Variants in NLRC5 observed in about 807,000 individuals in gnomAD.
The protein encoded by NLRC5 is protein NLRC5.
Under a neutral mutation model 206.9 loss-of-function variants are expected in NLRC5, and 114 were observed. The ratio of observed to expected loss-of-function variants is 0.55; its 90% CI spans 0.47 to 0.64. The LOEUF (loss-of-function observed/expected upper bound fraction) is 0.64, where lower values mean the gene tolerates loss of function less well. Ranked by LOEUF, NLRC5 falls within the 30% of genes least tolerant of loss-of-function variation. NLRC5 has a pLI of 0.00. For missense variants in NLRC5, 2,008 were observed against 2,305.5 expected (o/e 0.87, Z 2.64); for synonymous variants, 952 against 962.8 (o/e 0.99, Z 0.21).
At chr16:57,013,970 C>A in intron 1 of NLRC5, 1 of 423,624 alleles carries the variant, frequency 2.4e-6, no homozygotes, top group South Asian at 2.1e-5. Flanking sequence ...TACTAAATCC[C>A]TTAAGGGAAG....
chr16:57,067,879 T>C (rs754152661), intron 36 of NLRC5, 51 bp downstream of exon 36: 18 of 1,387,506 alleles, frequency 1.3e-5, no homozygotes, highest in Admixed American at 1.2e-4. Flanking sequence ...TGCCCTGCCC[T>C]GACACCTCCC....
At chr16:56,997,346 A>G (rs1331483527) in intron 1 of NLRC5, among the ~76,000 whole-genome samples, 31 of 152,156 alleles carry the variant, frequency 2.0e-4, no homozygotes, top group Admixed American at 2.0e-3. Flanking sequence ...ATAACAGCCA[A>G]TGAGCATTGG....
rs558732587 is a variant in NLRC5, at chr16:57,078,378, G to A, written c.5081+358G>A. On this transcript the variant is annotated intron_variant, in intron 43 of 48. Coordinates refer to ENST00000688547, the MANE Select transcript of NLRC5 (RefSeq NM_001384950.1). The stretch of plus-strand genomic sequence containing the variant: ...CTGGCAGAGGGCTTCGCAGGAGCAC[G>A]GTGCCAATCAACGTGGCCTCAGCAC... 3.3e-5 allele frequency among the ~76,000 whole-genome samples: 5 copies of A among 152,140 alleles called. No homozygotes were observed. The East Asian group carries it at 5.8e-4, about 18-fold the overall frequency.
rs557301873 is a variant in NLRC5, at chr16:57,082,335, T to G, written c.5490-82T>G. On this transcript the variant is annotated intron_variant, in intron 48 of 48. Transcript: ENST00000688547. The stretch of plus-strand genomic sequence containing the variant: ...AACTCTAGGCACAGCTCTACCTTTT[T>G]GGGCCTCAGCCTCCCAATCTGCAGA... 36 of 1,100,246 alleles carry G rather than the reference T, an allele frequency of 3.3e-5. No homozygotes were observed. The South Asian group carries it at 3.5e-4, about 11-fold the overall frequency. 68.2% of individuals were successfully genotyped at this position (1,100,246 alleles called of 1,614,324 possible).
At chr16:57,020,100 T>C (rs1459228719) in intron 2 of NLRC5, among the ~76,000 whole-genome samples, 2 of 151,992 alleles carry the variant, frequency 1.3e-5, no homozygotes, top group Non-Finnish European at 2.9e-5. Context: ...GCCTATTTTA[T>C]GTCGCTCAAA....
Position 57,025,526 on chromosome 16 carries a change from A to C in NLRC5, c.583A>C (p.Ile195Leu). 6.2e-7 allele frequency: 1 copy of C among 1,613,482 alleles called. No individual in the cohort carries two copies. Among genetic ancestry groups the C allele is most frequent in the East Asian group, 2.2e-5 (1 of 44,832 alleles). The change falls in exon 6 of 49, where the codon ATT (isoleucine) becomes CTT (leucine). Residue 195 changes from isoleucine (I) to leucine (L), a missense_variant. By Grantham distance (5) the Ile-to-Leu change is conservative. Transcript: ENST00000688547. The stretch of plus-strand genomic sequence containing the variant: ...ATCCTTAGACACTCCGGAGGGGGCC[A>C]TTATGGGGGACGTCAAGGTGGAAGA... The part of the protein sequence containing the change: ...TASLDTPEGA[I>L]MGDVKVEDGA...
At chr16:57,038,194 GA>G (rs767271621) in intron 15 of NLRC5, among the ~76,000 whole-genome samples, 10 of 151,188 alleles carry the variant, frequency 6.6e-5, no homozygotes, top group African/African-American at 2.4e-4. Context: ...TGGAACCATA[GA>G]AAAAAAAATG....
At chr16:57,006,124 G>T (rs547563889) in intron 1 of NLRC5, among the ~76,000 whole-genome samples, 5 of 151,208 alleles carry the variant, frequency 3.3e-5, no homozygotes, top group Admixed American at 3.3e-4. Context: ...TCAACCTTGC[G>T]GGTAGCTTGG....
At chr16:57,029,206 A>G (rs2061542643) in intron 8 of NLRC5, among the ~76,000 whole-genome samples, 1 of 152,158 alleles carries the variant, frequency 6.6e-6, no homozygotes, top group South Asian at 2.1e-4. Flanking sequence ...ATTGAAAGTG[A>G]CTTTAATTTT....
At chr16:57,081,415 T>A in intron 47 of NLRC5, 112 bp from the exon 48 acceptor site, 4 of 1,034,404 alleles carry the variant, frequency 3.9e-6, no homozygotes, top group Non-Finnish European at 5.9e-6. Flanking sequence ...GAGAAGGTAG[T>A]GTGGGAGACT....
intron 40 of NLRC5, 42 bp downstream of exon 40, chr16:57,076,944 C>A: frequency 6.3e-7 from 1 of 1,581,224 alleles, no homozygotes; most frequent in Non-Finnish European, 8.7e-7. Context: ...ACAATTTTGG[C>A]CGGGAAAGAT....
intron 32 of NLRC5, among the ~76,000 whole-genome samples, chr16:57,063,885 C>T (rs2066814546): frequency 1.3e-5 from 2 of 151,810 alleles, no homozygotes; most frequent in Admixed American, 6.6e-5. Flanking sequence ...ACTACAGGTG[C>T]CCGCCACCAC....
At chr16:57,067,643 C>A in intron 35 of NLRC5, 93 bp from the exon 36 acceptor site, 2 of 1,400,832 alleles carry the variant, frequency 1.4e-6, no homozygotes, top group East Asian at 2.3e-5. Flanking sequence ...CTTGGGTGGC[C>A]CCTTCTCCTC....
intron 2 of NLRC5, among the ~76,000 whole-genome samples, chr16:57,017,718 A>G (rs757065932): frequency 6.6e-6 from 1 of 152,276 alleles, no homozygotes; most frequent in Non-Finnish European, 1.5e-5. Flanking sequence ...TAAAACAACT[A>G]CAGGCATGAC....
At chr16:57,020,649 G>T in intron 2 of NLRC5, 52 bp from the exon 3 acceptor site, 2 of 1,302,188 alleles carry the variant, frequency 1.5e-6, no homozygotes. Context: ...CAGCTCATCT[G>T]CCCCCAGTTT....
chr16:57,069,265 AC>A (rs549773435), intron 36 of NLRC5, among the ~76,000 whole-genome samples: 212 of 152,268 alleles, frequency 1.4e-3, no homozygotes, highest in African/African-American at 5.0e-3. Context: ...AGCTTTCCTA[AC>A]TTTACATTTT....
chr16:57,044,093 G>A (rs1325585092), intron 20 of NLRC5, among the ~76,000 whole-genome samples: 1 of 149,234 alleles, frequency 6.7e-6, no homozygotes, highest in Admixed American at 6.7e-5. Context: ...GAGGTCAGGA[G>A]TTTGAGAACA....
intron 15 of NLRC5, among the ~76,000 whole-genome samples, chr16:57,038,520 A>G (rs911944372): frequency 9.2e-5 from 14 of 152,308 alleles, no homozygotes; most frequent in African/African-American, 2.2e-4. Context: ...GGCCTCCCAA[A>G]GAGCAAGGAT....
In NLRC5 at chr16:57,065,237, G is replaced by T. The variant is rs376577850; in HGVS notation, c.4180G>T (p.Ala1394Ser). 22 of 1,579,498 alleles carry T rather than the reference G, an allele frequency of 1.4e-5. No individual in the cohort carries two copies. Among genetic ancestry groups the T allele is most frequent in the Non-Finnish European group, 1.9e-5 (22 of 1,159,834 alleles). The change falls in exon 33 of 49, where the codon GCC becomes TCC. Residue 1394 changes from alanine to serine, a missense_variant. Transcript: ENST00000688547. Reference protein sequence around the residue: ...LRVQEPWADRARVLSLLEVCA... With the variant: ...LRVQEPWADRSRVLSLLEVCA... ...GGTGCAGGAGCCGTGGGCGGACAGA[G>T]CCAGGGTTCTCTCCCTGTTAGAAGT...
Sources: gnomAD v4.1 joint callset for allele counts (sites outside exome capture counted in the v4.1 genomes callset) on GRCh38, gnomAD v4.1.1 for gene constraint, MANE v1.5 for transcripts, NCBI Gene and HGNC (gene_info 2026-07-23, HGNC 2026-07-21) for gene names.